The following FBXO41 variants were observed in gnomAD, a reference collection of about 807,000 sequenced individuals.
The protein encoded by FBXO41 is F-box protein 41.
In FBXO41, 33 loss-of-function variants were observed where a neutral mutation model predicts 81.6. The ratio of observed to expected loss-of-function variants is 0.40; its 90% CI spans 0.31 to 0.54. The LOEUF is 0.54. Ranked by LOEUF, FBXO41 falls within the 20% of genes least tolerant of loss-of-function variation. The pLI, the probability that FBXO41 is intolerant of heterozygous loss-of-function variation, is 0.39. For missense variants in FBXO41, 1,107 were observed against 1,236.0 expected, an observed-to-expected ratio of 0.90 and a Z score of 1.56; for synonymous variants, 576 against 552.7, an observed-to-expected ratio of 1.04 and a Z score of -0.59.
In FBXO41 at chr2:73,259,334, T is replaced by C. The variant is rs1161933187; in HGVS notation, c.2450-38A>G. The stretch of plus-strand genomic sequence containing the variant: ...GAGCAAAGTAGGGGCGTGTTTGGCC[T>C]GGGCTGTGGAGCTGCCTCCTCTCCT... On this transcript the variant is annotated intron_variant, in intron 11 of 12. Transcript: ENST00000520530. The surrounding 1 kb of genome is among the most constrained non-coding windows in gnomAD (Gnocchi z 4.2). The C allele has an allele frequency of 6.4e-7, 1 of 1,564,106 alleles. No individual in the cohort carries two copies. The highest frequency in any genetic ancestry group is 1.7e-5 in the Admixed American group (1 of 59,900).
rs1433140601 is a variant in FBXO41, at chr2:73,259,520, G to A, written c.2450-224C>T. On this transcript the variant is annotated intron_variant, in intron 11 of 12. Transcript: ENST00000520530. This position sits in a 1 kb window ranked among gnomAD's most constrained non-coding sequence, Gnocchi z 4.2. Reference sequence around the variant, plus strand: ...CATTGGCCTCTGGGAGGGTGAGTGGGCAGCCACCAGCTGTCCAAAGCCTCT... The same window carrying A: ...CATTGGCCTCTGGGAGGGTGAGTGGACAGCCACCAGCTGTCCAAAGCCTCT... Among the ~76,000 whole-genome samples, 1 of 152,212 alleles carries A rather than the reference G, an allele frequency of 6.6e-6. No homozygotes were observed. The highest frequency in any genetic ancestry group is 2.4e-5 in the African/African-American group (1 of 41,452).
intron 1 of FBXO41, chr2:73,273,044 AG>A: frequency 6.6e-6 from 1 of 152,336 alleles, no homozygotes; most frequent in South Asian, 2.1e-4. Context: ...ACCACGGTCC[AG>A]GTTTTTTTCC....
rs755079022 is a variant in FBXO41 at position 73,265,380 on chromosome 2, A to C, written c.1466T>G (p.Val489Gly). ...TEGEEGDVSDVGSRTTESEAE... is the reference protein window; with the variant it reads ...TEGEEGDVSDGGSRTTESEAE... ...CTCTGACTCAGTGGTTCGGGAGCCAACGTCGGAGACATCACCCTCTTCCCC... is the reference window on the plus strand; with the variant it reads ...CTCTGACTCAGTGGTTCGGGAGCCACCGTCGGAGACATCACCCTCTTCCCC... Residue 489 changes from valine to glycine, a missense_variant, in exon 5 of 13, where the codon GTT becomes GGT. Coordinates refer to ENST00000520530, the MANE Select transcript of FBXO41 (RefSeq NM_001371389.2). The C allele has an allele frequency of 1.2e-6, 2 of 1,611,692 alleles. No individual in the cohort carries two copies. The highest frequency in any genetic ancestry group is 3.3e-5 in the Admixed American group (2 of 60,016).
chr2:73,264,816 G>C (rs921797620), intron 5 of FBXO41, among the ~76,000 whole-genome samples: 2 of 152,168 alleles, frequency 1.3e-5, no homozygotes, highest in South Asian at 2.1e-4. Context: ...AAGGGGTTGG[G>C]GGGGCGGTGG....
rs1687925754 is a variant in FBXO41 at position 73,259,318 on chromosome 2, A to G, written c.2450-22T>C. 6.2e-7 allele frequency: 1 copy of G among 1,606,662 alleles called. No individual in the cohort carries two copies. The highest frequency in any genetic ancestry group is 1.1e-5 in the South Asian group (1 of 90,932). ...ATGCCTGAGAAAAGGTGAGCAAAGT[A>G]GGGGCGTGTTTGGCCTGGGCTGTGG... On this transcript the variant is annotated intron_variant, in intron 11 of 12. Transcript: ENST00000520530. The surrounding 1 kb of genome is among the most constrained non-coding windows in gnomAD (Gnocchi z 4.2).
chr2:73,278,386 T>C (rs979831369), intron 1 of FBXO41, among the ~76,000 whole-genome samples: 3 of 152,252 alleles, frequency 2.0e-5, no homozygotes, highest in African/African-American at 7.2e-5. Flanking sequence ...TCCTAACTAA[T>C]AGTCTCCCAA....
chr2:73,272,238 G>A (rs1688528234), intron 1 of FBXO41: 1 of 152,186 alleles, frequency 6.6e-6, no homozygotes, highest in African/African-American at 2.4e-5. Flanking sequence ...TGTTGGGAGT[G>A]TCTTTCCAAC....
chr2:73,255,738 G>A lies in FBXO41; in HGVS notation c.*3244C>T, dbSNP rs1232286751. ...CCAAAGATAAGAGACCAGGAGTGGG[G>A]AAATAGGCAGGACCCAAAGGCAAGG... is the stretch of plus-strand genomic sequence containing the variant. On this transcript the variant is annotated 3_prime_UTR_variant, in exon 13 of 13. Coordinates refer to ENST00000520530, the MANE Select transcript of FBXO41 (RefSeq NM_001371389.2). 1 of 152,664 alleles carries A rather than the reference G, an allele frequency of 6.6e-6. No individual in the cohort carries two copies. The highest frequency in any genetic ancestry group is 2.4e-5 in the African/African-American group (1 of 41,450). The allele number at this position is 152,664 out of a possible 1,614,324, so 9.5% of individuals were successfully genotyped here.
chr2:73,273,256 GGATAA>G, intron 1 of FBXO41: 1 of 152,150 alleles, frequency 6.6e-6, no homozygotes, highest in East Asian at 1.9e-4. Flanking sequence ...CCCAGAAGTG[GGATAA>G]CTGTGCTTTA....
rs751347028 is a variant in FBXO41 at position 73,268,806 on chromosome 2, C to T, written c.825G>A (p.Gln275=). ...LEERASELSR[Q]VDVSVELLAS... ...CCAGCAGCTCTACGCTCACGTCCAC[C>T]TGGCGGGAGAGCTCAGACGCGCGCT... Residue 275 remains glutamine, a synonymous_variant, in exon 2 of 13, where the codon CAG becomes CAA. Transcript: ENST00000520530. 1.9e-6 allele frequency: 3 copies of T among 1,581,086 alleles called. No individual in the cohort carries two copies. Among genetic ancestry groups the T allele is most frequent in the African/African-American group, 1.4e-5 (1 of 73,944 alleles).
At chr2:73,274,084 C>T (rs1000419745) in intron 1 of FBXO41, among the ~76,000 whole-genome samples, 10 of 152,206 alleles carry the variant, frequency 6.6e-5, no homozygotes, top group Admixed American at 6.5e-5. Context: ...CCTTCAGTCC[C>T]GCAGCTCCAT....
chr2:73,269,088 G>A lies in FBXO41; in HGVS notation c.543C>T (p.Pro181=). Reference sequence around the variant, plus strand: ...ACGCGGGCGAAGCGGAGGCAGGCCCGGGGCAAGGGCCGGGGCCGGGGCCAG... The same window carrying A: ...ACGCGGGCGAAGCGGAGGCAGGCCCAGGGCAAGGGCCGGGGCCGGGGCCAG... The part of the protein sequence containing the change: ...PPPGPGPGPC[P]GPASASPASP... Residue 181 remains proline, a synonymous_variant, in exon 2 of 13, where the codon CCC becomes CCT. Coordinates refer to ENST00000520530, the MANE Select transcript of FBXO41 (RefSeq NM_001371389.2). The surrounding 1 kb of genome is among the most constrained non-coding windows in gnomAD (Gnocchi z 7.0). The A allele has an allele frequency of 1.3e-6, 2 of 1,507,024 alleles. No individual in the cohort carries two copies. The highest frequency in any genetic ancestry group is 8.8e-7 in the Non-Finnish European group (1 of 1,135,498). 93.4% of individuals were successfully genotyped at this position (1,507,024 alleles called of 1,614,324 possible).
chr2:73,255,502 C>A lies in FBXO41; in HGVS notation c.*3480G>T, dbSNP rs533463577. 1 of 152,868 alleles carries A rather than the reference C, an allele frequency of 6.5e-6. No homozygotes were observed. Among genetic ancestry groups the A allele is most frequent in the East Asian group, 1.9e-4 (1 of 5,192 alleles). 9.5% of individuals were successfully genotyped at this position (152,868 alleles called of 1,614,324 possible). A position where few individuals can be genotyped will look rare whatever the true frequency, so the allele number is the denominator to read the frequency against. On this transcript the variant is annotated 3_prime_UTR_variant, in exon 13 of 13. Coordinates refer to ENST00000520530, the MANE Select transcript of FBXO41 (RefSeq NM_001371389.2). The stretch of plus-strand genomic sequence containing the variant: ...CCAGGCCCCCAGGGGAAGGAAGTTA[C>A]ACTCATCAGGGACTGACAGGCTGGG...
Position 73,269,346 on chromosome 2 carries a change from C to G in FBXO41, c.285G>C (p.Ala95=). Residue 95 remains alanine (A), a synonymous_variant, in exon 2 of 13, where the codon GCG becomes GCC. Coordinates refer to ENST00000520530, the MANE Select transcript of FBXO41 (RefSeq NM_001371389.2). The surrounding 1 kb of genome is among the most constrained non-coding windows in gnomAD (Gnocchi z 7.0). ...ESTSFQGKEQ[A]AGPSPAAPHL... ...GCGGCGCCGCGGGCGACGGCCCGGC[C>G]GCCTGCTCCTTGCCCTGGAAGGAAG... The G allele has an allele frequency of 6.6e-7, 1 of 1,516,848 alleles. No individual in the cohort carries two copies. Among genetic ancestry groups the G allele is most frequent in the Non-Finnish European group, 8.8e-7 (1 of 1,133,916 alleles). 94.0% of individuals were successfully genotyped at this position (1,516,848 alleles called of 1,614,324 possible).
rs576740784 is a variant in FBXO41, at chr2:73,259,746, C to T, written c.2450-450G>A. On this transcript the variant is annotated intron_variant, in intron 11 of 12. Coordinates refer to ENST00000520530, the MANE Select transcript of FBXO41 (RefSeq NM_001371389.2). This position sits in a 1 kb window ranked among gnomAD's most constrained non-coding sequence, Gnocchi z 4.2. ...TCGGGGGAGGTAGAGGAAGATCAGG[C>T]GACTGAGAAGGGCCTGGAGGTCATG... Among the ~76,000 whole-genome samples the T allele has an allele frequency of 2.0e-5, 3 of 152,126 alleles. No individual in the cohort carries two copies. The highest frequency in any genetic ancestry group is 2.1e-4 in the South Asian group (1 of 4,816).
Position 73,268,731 on chromosome 2 carries a change from C to A in FBXO41, c.900G>T (p.Lys300Asn). ...GGCCCCGAGGGTCTACTCACTGCTG[C>A]TTGCGGCTCAGCTCCTGTTCCTTGT... ...LVHKEQELSR[K>N]QQEVVQIDQF... Residue 300 changes from lysine to asparagine, a missense_variant, in exon 2 of 13, where the codon AAG becomes AAT. This residue lies in a region of FBXO41 where 771 missense variants were observed against 789.2 expected (regional missense o/e 0.98). Transcript: ENST00000520530. 1 of 1,539,154 alleles carries A rather than the reference C, an allele frequency of 6.5e-7. No homozygotes were observed. Among genetic ancestry groups the A allele is most frequent in the Non-Finnish European group, 8.8e-7 (1 of 1,137,786 alleles).
In FBXO41 at chr2:73,269,293, G is replaced by A; in HGVS notation, c.338C>T (p.Ala113Val). The stretch of plus-strand genomic sequence containing the variant: ...GTCGCCGGGGAAGTGGGCGAGGGGA[G>A]CGTGGTGATGGTGGTGGTGCAGCAG... ...PHLLHHHHHHAPLAHFPGDLV... is the reference protein window; with the variant it reads ...PHLLHHHHHHVPLAHFPGDLV... The change falls in exon 2 of 13, where the codon GCT becomes GTT. Residue 113 changes from alanine to valine, a missense_variant. By Grantham distance (64) the Ala-to-Val change is moderately conservative. This residue lies in a region of FBXO41 where 771 missense variants were observed against 789.2 expected (regional missense o/e 0.98). Transcript: ENST00000520530. This position sits in a 1 kb window ranked among gnomAD's most constrained non-coding sequence, Gnocchi z 7.0. 1 of 1,530,728 alleles carries A rather than the reference G, an allele frequency of 6.5e-7. No homozygotes were observed. Among genetic ancestry groups the A allele is most frequent in the Non-Finnish European group, 8.8e-7 (1 of 1,139,022 alleles). The allele number at this position is 1,530,728 out of a possible 1,614,324, so 94.8% of individuals were successfully genotyped here. A position where few individuals can be genotyped will look rare whatever the true frequency, so the allele number is the denominator to read the frequency against.
chr2:73,279,439 C>T (rs969602290), intron 1 of FBXO41, among the ~76,000 whole-genome samples: 2 of 151,984 alleles, frequency 1.3e-5, no homozygotes, highest in African/African-American at 2.4e-5. Context: ...GGAGAGGGCT[C>T]AGAGAGAGGG....
intron 1 of FBXO41, among the ~76,000 whole-genome samples, chr2:73,276,207 C>T (rs1161718940): frequency 2.7e-5 from 4 of 150,804 alleles, no homozygotes; most frequent in Non-Finnish European, 4.4e-5. Flanking sequence ...GTCAGGAGTT[C>T]GAGACCACCC....
Sources: allele counts gnomAD v4.1 joint callset (sites outside exome capture counted in the v4.1 genomes callset), GRCh38; gene constraint gnomAD v4.1.1; regional missense constraint gnomAD v4.1.1; non-coding constraint Gnocchi (gnomAD v3.1); transcripts MANE v1.5; gene names NCBI Gene and HGNC (gene_info 2026-07-23, HGNC 2026-07-21).